Variants in IQCK observed in about 807,000 individuals in gnomAD.
IQCK encodes IQ domain-containing protein K.
In IQCK, 29 loss-of-function variants were observed where a neutral mutation model predicts 28.1. That is an observed-to-expected ratio of 1.03 (90% CI 0.77 to 1.41). IQCK has a LOEUF of 1.41. Among genes scored for constraint, IQCK ranks in the 40% most tolerant of loss-of-function variants. The pLI, the probability that IQCK is intolerant of heterozygous loss-of-function variation, is 0.00. For synonymous variants in IQCK, 113 were observed against 115.1 expected, an observed-to-expected ratio of 0.98 and a Z score of 0.12; for missense variants, 359 against 314.7, an observed-to-expected ratio of 1.14 and a Z score of -1.07.
intron 6 of IQCK, among the ~76,000 whole-genome samples, chr16:19,768,639 G>A (rs571667577): frequency 2.8e-4 from 43 of 152,188 alleles, no homozygotes; most frequent in Non-Finnish European, 1.2e-4. Context: ...CCAGCTACTC[G>A]GAAGGCTGAG....
intron 4 of IQCK, among the ~76,000 whole-genome samples, chr16:19,755,617 C>T (rs756977714): frequency 5.9e-5 from 9 of 152,272 alleles, no homozygotes; most frequent in South Asian, 2.1e-4. Flanking sequence ...GAACCAGAAC[C>T]GTTGTTGGAT....
intron 7 of IQCK, among the ~76,000 whole-genome samples, chr16:19,817,299 G>T (rs1181794668): frequency 1.3e-5 from 2 of 152,162 alleles, no homozygotes; most frequent in Admixed American, 1.3e-4. Flanking sequence ...GGTATTTGCT[G>T]ATTGGCACAA....
At chr16:19,750,215 C>G (rs1027417207) in intron 4 of IQCK, among the ~76,000 whole-genome samples, 4 of 152,060 alleles carry the variant, frequency 2.6e-5, no homozygotes, top group Non-Finnish European at 5.9e-5. Flanking sequence ...CAACCTCTGC[C>G]TCCCTGGTTC....
At chr16:19,857,111 A>G (rs2056571854) in exon 10 of IQCK, 1 of 183,744 alleles carries the variant, frequency 5.4e-6, no homozygotes, top group Admixed American at 6.0e-5. Context: ...TTTGTTGTCT[A>G]AGTCCCAAAG....
downstream of IQCK, among the ~76,000 whole-genome samples, chr16:19,829,645 G>C (rs976908432): frequency 1.3e-5 from 2 of 152,092 alleles, no homozygotes; most frequent in East Asian, 3.9e-4. Context: ...TGCTCAGCCA[G>C]GATGGAGAAC....
chr16:19,827,621 GA>G (rs1171623478), downstream of IQCK, among the ~76,000 whole-genome samples: 3 of 148,142 alleles, frequency 2.0e-5, no homozygotes, highest in Non-Finnish European at 2.9e-5. Flanking sequence ...GGTGTTTCCA[GA>G]GAGATTAGCA....
At chr16:19,805,743 T>C (rs2055825017) in intron 7 of IQCK, among the ~76,000 whole-genome samples, 1 of 152,172 alleles carries the variant, frequency 6.6e-6, no homozygotes, top group African/African-American at 2.4e-5. Context: ...AAACCAGGCA[T>C]TGCAGTAAAG....
chr16:19,723,172 A>G (rs1977550839), intron 1 of IQCK, among the ~76,000 whole-genome samples: 1 of 130,234 alleles, frequency 7.7e-6, no homozygotes, highest in African/African-American at 3.0e-5. Context: ...CCCCCTGCTT[A>G]GATTGCTGCT....
At chr16:19,736,996 A>G (rs1289198387) in intron 4 of IQCK, among the ~76,000 whole-genome samples, 5 of 151,574 alleles carry the variant, frequency 3.3e-5, no homozygotes, top group South Asian at 2.1e-4. Context: ...AAAAAAAAAA[A>G]AAAAAGAAAA....
intron 9 of IQCK, among the ~76,000 whole-genome samples, chr16:19,845,849 C>T (rs1024720923): frequency 2.6e-4 from 40 of 151,850 alleles, no homozygotes; most frequent in Non-Finnish European, 4.7e-4. Context: ...CTGAGGCGGG[C>T]GGATCACTTG....
intron 1 of IQCK, among the ~76,000 whole-genome samples, chr16:19,723,152 G>A (rs1462711623): frequency 1.4e-5 from 2 of 147,084 alleles, no homozygotes; most frequent in Non-Finnish European, 3.0e-5. Flanking sequence ...CTTAGATCAG[G>A]CCCTTACCAC....
At chr16:19,760,879 T>C (rs2055128780) in intron 4 of IQCK, among the ~76,000 whole-genome samples, 1 of 152,202 alleles carries the variant, frequency 6.6e-6, no homozygotes, top group Middle Eastern at 3.2e-3. Context: ...GAGTATATGC[T>C]AAGCAAGGGG....
At chr16:19,808,766 A>G (rs1024843739) in intron 7 of IQCK, among the ~76,000 whole-genome samples, 9 of 152,352 alleles carry the variant, frequency 5.9e-5, no homozygotes, top group Middle Eastern at 3.4e-3. Context: ...AGTCCTGTGC[A>G]GTTGCACAGG....
At chr16:19,818,422 C>G (rs1043488305) in intron 7 of IQCK, among the ~76,000 whole-genome samples, 1 of 152,070 alleles carries the variant, frequency 6.6e-6, no homozygotes, top group African/African-American at 2.4e-5. Context: ...GACGGAGTTT[C>G]GCTCTTGTCA....
At chr16:19,849,322 A>G (rs2056452100) in intron 9 of IQCK, among the ~76,000 whole-genome samples, 3 of 151,248 alleles carry the variant, frequency 2.0e-5, no homozygotes, top group African/African-American at 7.3e-5. Flanking sequence ...AATAGATGTA[A>G]TTTTGGACGT....
intron 7 of IQCK, 69 bp from the exon 8 acceptor site, chr16:19,826,957 T>C: frequency 2.1e-6 from 2 of 969,688 alleles, no homozygotes; most frequent in South Asian, 2.7e-5. Context: ...GGATTTTCCA[T>C]GCAGGGTTAA....
chr16:19,779,952 C>T (rs191496527), intron 6 of IQCK, among the ~76,000 whole-genome samples: 78 of 151,620 alleles, frequency 5.1e-4, no homozygotes, highest in African/African-American at 1.8e-3. Context: ...ATCCTGACCT[C>T]GTGATCCACC....
intron 7 of IQCK, 49 bp from the exon 8 acceptor site, chr16:19,826,977 G>C: frequency 8.4e-7 from 1 of 1,183,672 alleles, no homozygotes; most frequent in Non-Finnish European, 1.3e-6. Context: ...ATAAGCTAGT[G>C]TACAGAAGTG....
intron 6 of IQCK, among the ~76,000 whole-genome samples, chr16:19,775,277 C>A (rs534449754): frequency 9.9e-5 from 15 of 151,438 alleles, no homozygotes; most frequent in Admixed American, 9.2e-4. Context: ...CAATTCTTGC[C>A]ACTTTACTCT....
Sources: allele counts gnomAD v4.1 joint callset (sites outside exome capture counted in the v4.1 genomes callset), GRCh38; gene constraint gnomAD v4.1.1; transcripts MANE v1.5; gene names NCBI Gene and HGNC (gene_info 2026-07-23, HGNC 2026-07-21).